WTAP: variants seen among roughly 807,000 people sequenced by gnomAD.
WTAP encodes the protein pre-mRNA-splicing regulator WTAP.
Under a neutral mutation model 50.0 loss-of-function variants are expected in WTAP, and 8 were observed. The observed-to-expected ratio is 0.16, with a 90% CI of 0.09 to 0.29. WTAP has a LOEUF of 0.29. Ranked by LOEUF, WTAP falls within the 10% of genes least tolerant of loss-of-function variation. The pLI is 1.00. For synonymous variants in WTAP, 194 were observed against 169.0 expected (o/e 1.15, Z -1.15); for missense variants, 295 against 470.7 (o/e 0.63, Z 3.45).
intron 1 of WTAP, among the ~76,000 whole-genome samples, chr6:159,732,543 A>C (rs1778638085): frequency 6.6e-6 from 1 of 152,228 alleles, no homozygotes; most frequent in Non-Finnish European, 1.5e-5. Flanking sequence ...TTTAAATTAA[A>C]AATATTATTG....
chr6:159,752,123 A>G (rs1360993211), intron 6 of WTAP, among the ~76,000 whole-genome samples: 1 of 152,188 alleles, frequency 6.6e-6, no homozygotes, highest in Admixed American at 6.5e-5. Context: ...GATTGATAAA[A>G]TATTTACAAA....
At chr6:159,749,457 T>G in intron 6 of WTAP, 1 of 980,780 alleles carries the variant, frequency 1.0e-6, no homozygotes. Flanking sequence ...CAAAGAATAT[T>G]ATGATGATTT....
chr6:159,753,346 C>G (rs773078474), intron 6 of WTAP, 114 bp from the exon 7 acceptor site: 3 of 1,390,886 alleles, frequency 2.2e-6, no homozygotes, highest in South Asian at 2.5e-5. Flanking sequence ...TATGGGGAAG[C>G]ATCTGCTGTG....
In WTAP at chr6:159,748,908, G is replaced by C; in HGVS notation, c.452+539G>C. The C allele has an allele frequency of 8.5e-7, 1 of 1,170,052 alleles. No homozygotes were observed. Among genetic ancestry groups the C allele is most frequent in the Non-Finnish European group, 1.1e-6 (1 of 949,184 alleles). 72.5% of individuals were successfully genotyped at this position (1,170,052 alleles called of 1,614,324 possible). On this transcript the variant is annotated intron_variant, in intron 6 of 7. Coordinates refer to ENST00000621533, the MANE Select transcript of WTAP (RefSeq NM_001270531.2). The surrounding 1 kb of genome is among the most constrained non-coding windows in gnomAD (Gnocchi z 5.6). ...GACTGTGGACTTCATGATTGTTGTT[G>C]AACTTCTGGGTCAAAACTCAAATGA... is the stretch of plus-strand genomic sequence containing the variant.
At chr6:159,728,652 A>G (rs1778375669) in intron 1 of WTAP, among the ~76,000 whole-genome samples, 1 of 152,240 alleles carries the variant, frequency 6.6e-6, no homozygotes, top group African/African-American at 2.4e-5. Flanking sequence ...TAAAACCGTA[A>G]TTTAAAACTA....
At chr6:159,747,823 G>A (rs1027705668) in intron 5 of WTAP, among the ~76,000 whole-genome samples, 9 of 152,130 alleles carry the variant, frequency 5.9e-5, no homozygotes, top group African/African-American at 1.9e-4. Context: ...TAAAATGTAT[G>A]TAGCCACTTT....
At chr6:159,733,053 T>C (rs572642969) in intron 1 of WTAP, among the ~76,000 whole-genome samples, 1 of 152,104 alleles carries the variant, frequency 6.6e-6, no homozygotes, top group Non-Finnish European at 1.5e-5. Context: ...GAGTTAAATA[T>C]GGTGATGGTT....
chr6:159,736,301 G>A lies in WTAP; in HGVS notation c.30+6G>A, dbSNP rs368872375. The A allele has an allele frequency of 1.0e-5, 16 of 1,601,912 alleles. No homozygotes were observed. Among genetic ancestry groups the A allele is most frequent in the Non-Finnish European group, 1.2e-5 (14 of 1,174,370 alleles). ...AAGAACCTCTTCCCAAGAAGGTATG[G>A]GTTTTGGTTTTGGGTTTTTTTGTTT... On this transcript the variant is annotated splice_donor_region_variant and intron_variant, in intron 2 of 7. Coordinates refer to ENST00000621533, the MANE Select transcript of WTAP (RefSeq NM_001270531.2).
At chr6:159,740,567 A>C (rs1472292644) in intron 3 of WTAP, among the ~76,000 whole-genome samples, 1 of 152,170 alleles carries the variant, frequency 6.6e-6, no homozygotes, top group East Asian at 1.9e-4. Flanking sequence ...TTCTCTATAC[A>C]TCCCCAAATA....
intron 5 of WTAP, among the ~76,000 whole-genome samples, chr6:159,744,247 G>C (rs1413632989): frequency 1.3e-5 from 2 of 152,124 alleles, no homozygotes; most frequent in African/African-American, 2.4e-5. Flanking sequence ...GAACTTTGAT[G>C]TGTACTGTGT....
At chr6:159,727,162 G>C, upstream of WTAP, 5 of 1,196,098 alleles carry the variant, frequency 4.2e-6, no homozygotes, top group Non-Finnish European at 5.3e-6. Context: ...CGCGGAGCTC[G>C]CGCCAGGCTC....
At chr6:159,729,357 C>T (rs759676724) in intron 1 of WTAP, among the ~76,000 whole-genome samples, 3 of 152,108 alleles carry the variant, frequency 2.0e-5, no homozygotes, top group Non-Finnish European at 2.9e-5. Flanking sequence ...AAATATTTTG[C>T]TTCTTGTAGT....
At chr6:159,750,085 CTT>C (rs113205899) in intron 6 of WTAP, among the ~76,000 whole-genome samples, 5,195 of 152,264 alleles carry the variant, frequency 0.034, 133 homozygotes, top group South Asian at 0.066. Flanking sequence ...GTTTGTGTGA[CTT>C]TTCAGCAAGA....
intron 1 of WTAP, among the ~76,000 whole-genome samples, 157 bp from the exon 2 acceptor site, chr6:159,736,101 A>G (rs1778896121): frequency 6.6e-6 from 1 of 152,196 alleles, no homozygotes; most frequent in African/African-American, 2.4e-5. Context: ...ACTTTTTTGT[A>G]AATCTAAAAC....
At chr6:159,727,336 G>A (rs887182097), upstream of WTAP, 1 of 1,272,348 alleles carries the variant, frequency 7.9e-7, no homozygotes, top group Non-Finnish European at 1.0e-6. Flanking sequence ...ACTCTCCTGT[G>A]AGTGGGCCAG....
chr6:159,744,489 C>T (rs922444512), intron 5 of WTAP, among the ~76,000 whole-genome samples: 232 of 151,482 alleles, frequency 1.5e-3, no homozygotes, highest in African/African-American at 5.5e-3. Flanking sequence ...AGATAGTATT[C>T]TGGTCATTGG....
At chr6:159,753,257 T>C (rs1779884931) in intron 6 of WTAP, 3 of 662,166 alleles carry the variant, frequency 4.5e-6, no homozygotes, top group Non-Finnish European at 7.4e-6. Flanking sequence ...ACTTTTTGTT[T>C]AGGGTTTATT....
chr6:159,746,718 G>T (rs1463208055), intron 5 of WTAP, among the ~76,000 whole-genome samples: 1 of 152,066 alleles, frequency 6.6e-6, no homozygotes, highest in Non-Finnish European at 1.5e-5. Context: ...CACCTCAGTG[G>T]TATTTCTGTT....
intron 5 of WTAP, among the ~76,000 whole-genome samples, chr6:159,745,643 T>C (rs768287171): frequency 6.6e-6 from 1 of 152,124 alleles, no homozygotes; most frequent in Non-Finnish European, 1.5e-5. Flanking sequence ...GAATCTTGGG[T>C]ATTCTAGAAG....
Sources: allele counts gnomAD v4.1 joint callset (sites outside exome capture counted in the v4.1 genomes callset), GRCh38; gene constraint gnomAD v4.1.1; non-coding constraint Gnocchi (gnomAD v3.1); transcripts MANE v1.5; gene names NCBI Gene and HGNC (gene_info 2026-07-23, HGNC 2026-07-21).